SGCZ: variants seen among roughly 807,000 people sequenced by gnomAD.
SGCZ encodes the protein zeta-sarcoglycan.
Under a neutral mutation model 41.3 loss-of-function variants are expected in SGCZ, and 40 were observed. That is an observed-to-expected ratio of 0.97 (90% CI 0.75 to 1.26). The LOEUF is 1.26. SGCZ is among the 50% of genes most tolerant of loss of function. The probability of loss-of-function intolerance (pLI) is 0.00; values close to 1 mark genes in which losing one functional copy is unlikely to be tolerated. For missense variants in SGCZ, 552 were observed against 369.8 expected (o/e 1.49, Z -4.04); for synonymous variants, 206 against 137.5 (o/e 1.50, Z -3.49).
chr8:14,276,359 G>A (rs1800232458), intron 3 of SGCZ, among the ~76,000 whole-genome samples: 1 of 152,038 alleles, frequency 6.6e-6, no homozygotes, highest in Non-Finnish European at 1.5e-5. Context: ...TCATTGCTTA[G>A]CATGGTGACT....
At chr8:14,947,582 G>C (rs895754393) in intron 1 of SGCZ, among the ~76,000 whole-genome samples, 14 of 152,130 alleles carry the variant, frequency 9.2e-5, no homozygotes, top group South Asian at 2.1e-4. Flanking sequence ...TATAAAACTT[G>C]TATACTTCCG....
At chr8:15,167,362 G>A (rs1799696517) in intron 1 of SGCZ, among the ~76,000 whole-genome samples, 1 of 152,184 alleles carries the variant, frequency 6.6e-6, no homozygotes, top group Non-Finnish European at 1.5e-5. Flanking sequence ...CATCTACGTA[G>A]TCCCTGTACA....
intron 1 of SGCZ, among the ~76,000 whole-genome samples, chr8:14,911,991 TTC>T (rs1799292272): frequency 6.6e-6 from 1 of 152,048 alleles, no homozygotes; most frequent in African/African-American, 2.4e-5. Flanking sequence ...CTTACACTAT[TTC>T]TGTTTCTTTG....
chr8:15,232,759 A>ATGTGTGTGTATATATATACATATG (rs1563198337), intron 1 of SGCZ, among the ~76,000 whole-genome samples: 3 of 141,638 alleles, frequency 2.1e-5, no homozygotes, highest in African/African-American at 8.0e-5. Flanking sequence ...ATATACATAT[A>ATGTGTGTGTATATATATACATATG]TATGTGTGTA....
intron 1 of SGCZ, among the ~76,000 whole-genome samples, chr8:14,899,837 G>A (rs1049990203): frequency 6.7e-6 from 1 of 148,686 alleles, no homozygotes; most frequent in African/African-American, 2.5e-5. Flanking sequence ...GGAAGTGAGA[G>A]AGGAAGGAAG....
At chr8:14,303,611 T>TA (rs1252693900) in intron 3 of SGCZ, among the ~76,000 whole-genome samples, 1 of 152,094 alleles carries the variant, frequency 6.6e-6, no homozygotes. Flanking sequence ...CGAATGACTC[T>TA]AAAAAACTTC....
chr8:15,193,362 C>T lies in SGCZ; in HGVS notation c.39+44223G>A, dbSNP rs923683470. On this transcript the variant is annotated intron_variant, in intron 1 of 7. Transcript: ENST00000382080. ...TTCATGAGGACATCGTTATAACTGT[C>T]ACACGTTGAATTATTGACAAATTTG... Among the ~76,000 whole-genome samples, 5 of 152,180 alleles carry T rather than the reference C, an allele frequency of 3.3e-5. No individual in the cohort carries two copies. In the South Asian group the frequency reaches 6.2e-4, roughly 19 times the overall value.
At chr8:14,785,909 GT>G (rs1297718671) in intron 1 of SGCZ, among the ~76,000 whole-genome samples, 8 of 146,104 alleles carry the variant, frequency 5.5e-5, no homozygotes, top group South Asian at 2.2e-4. Context: ...CTTGCTTTTG[GT>G]TTTTTTTTTC....
At chr8:14,444,419 C>G (rs1800369429) in intron 2 of SGCZ, among the ~76,000 whole-genome samples, 2 of 152,026 alleles carry the variant, frequency 1.3e-5, no homozygotes, top group South Asian at 2.1e-4. Flanking sequence ...ATCCAAATGT[C>G]CAACAATGAT....
chr8:14,231,024 T>C (rs535909812), intron 4 of SGCZ, among the ~76,000 whole-genome samples: 1 of 152,164 alleles, frequency 6.6e-6, no homozygotes, highest in African/African-American at 2.4e-5. Context: ...TCAAATTATG[T>C]TGGAGTATAT....
At chr8:14,956,336 C>A in intron 1 of SGCZ, among the ~76,000 whole-genome samples, 2 of 152,098 alleles carry the variant, frequency 1.3e-5, no homozygotes, top group East Asian at 3.9e-4. Flanking sequence ...CCACACCTGG[C>A]CTACTTTTAT....
intron 1 of SGCZ, among the ~76,000 whole-genome samples, chr8:14,884,296 T>C (rs1465546591): frequency 2.0e-5 from 3 of 152,160 alleles, no homozygotes; most frequent in East Asian, 1.9e-4. Context: ...TGATGCACCT[T>C]ATTGGGCTGA....
intron 2 of SGCZ, among the ~76,000 whole-genome samples, chr8:14,325,868 T>C (rs1304808596): frequency 1.4e-5 from 2 of 144,790 alleles, no homozygotes; most frequent in African/African-American, 2.5e-5. Context: ...ATCCCAGTAC[T>C]TCGGAACGTA....
At chr8:14,669,735 A>G (rs1412115558) in intron 1 of SGCZ, among the ~76,000 whole-genome samples, 1 of 148,904 alleles carries the variant, frequency 6.7e-6, no homozygotes, top group Non-Finnish European at 1.5e-5. Context: ...CACACACAAT[A>G]TTTTGTTCAT....
At chr8:14,765,150 C>T (rs559822533) in intron 1 of SGCZ, among the ~76,000 whole-genome samples, 6 of 152,252 alleles carry the variant, frequency 3.9e-5, no homozygotes, top group African/African-American at 9.6e-5. Flanking sequence ...CCCACAATCC[C>T]GGGAAAGCTG....
chr8:14,476,387 C>A (rs1214424492), intron 2 of SGCZ, among the ~76,000 whole-genome samples: 3 of 152,002 alleles, frequency 2.0e-5, no homozygotes, highest in African/African-American at 4.8e-5. Flanking sequence ...CATCATAAAT[C>A]TTTCCTTATA....
At chr8:14,702,438 TAAATAGGAA>T (rs1809168454) in intron 1 of SGCZ, among the ~76,000 whole-genome samples, 1 of 151,962 alleles carries the variant, frequency 6.6e-6, no homozygotes, top group Non-Finnish European at 1.5e-5. Context: ...TATCTACGAC[TAAATAGGAA>T]ACACATCCCT....
intron 4 of SGCZ, among the ~76,000 whole-genome samples, chr8:14,171,469 T>A (rs936146374): frequency 4.7e-4 from 71 of 152,022 alleles, no homozygotes; most frequent in African/African-American, 1.7e-3. Flanking sequence ...TGTATTCAAC[T>A]GGTAGTATAA....
chr8:14,357,719 G>A (rs1370944829), intron 2 of SGCZ, among the ~76,000 whole-genome samples: 4 of 152,090 alleles, frequency 2.6e-5, no homozygotes, highest in African/African-American at 4.8e-5. Flanking sequence ...TTCTCACAAC[G>A]TTAGCAAATG....
Sources: gnomAD v4.1 joint callset for allele counts (sites outside exome capture counted in the v4.1 genomes callset) on GRCh38, gnomAD v4.1.1 for gene constraint, MANE v1.5 for transcripts, NCBI Gene and HGNC (gene_info 2026-07-23, HGNC 2026-07-21) for gene names.